ASTN1: variants seen among roughly 807,000 people sequenced by gnomAD.
ASTN1 encodes the protein astrotactin 1, also known as astrotactin-1.
In ASTN1, 41 loss-of-function variants were observed where a neutral mutation model predicts 140.7. The ratio of observed to expected loss-of-function variants is 0.29; its 90% CI spans 0.23 to 0.38. The LOEUF (loss-of-function observed/expected upper bound fraction) is 0.38, where lower values mean the gene tolerates loss of function less well. Ranked by LOEUF, ASTN1 falls within the 10% of genes least tolerant of loss-of-function variation. The probability of loss-of-function intolerance (pLI) is 1.00; values close to 1 mark genes in which losing one functional copy is unlikely to be tolerated. For missense variants in ASTN1, 1,479 were observed against 1,678.8 expected, an observed-to-expected ratio of 0.88 and a Z score of 2.08; for synonymous variants, 640 against 652.2, an observed-to-expected ratio of 0.98 and a Z score of 0.29.
chr1:176,983,263 T>A (rs569594430), intron 8 of ASTN1, among the ~76,000 whole-genome samples: 1 of 151,490 alleles, frequency 6.6e-6, no homozygotes, highest in East Asian at 1.9e-4. Context: ...ATCTAGGGAG[T>A]CATGACAAGC....
chr1:177,010,885 G>A (rs574749732), intron 8 of ASTN1, among the ~76,000 whole-genome samples: 16 of 152,260 alleles, frequency 1.1e-4, no homozygotes, highest in African/African-American at 3.9e-4. Context: ...AAGAGGTTTC[G>A]TGTTTGTTTC....
intron 2 of ASTN1, among the ~76,000 whole-genome samples, chr1:177,046,788 T>C (rs1385509780): frequency 2.0e-5 from 3 of 152,150 alleles, no homozygotes; most frequent in African/African-American, 7.2e-5. Context: ...GGAAGAGATG[T>C]GAGGGTTCAG....
intron 1 of ASTN1, among the ~76,000 whole-genome samples, chr1:177,062,076 G>A (rs568881073): frequency 1.3e-5 from 2 of 152,134 alleles, no homozygotes; most frequent in South Asian, 2.1e-4. Flanking sequence ...AAAATATGCC[G>A]TGTGTATGTT....
chr1:177,100,481 CT>C (rs565136921), intron 1 of ASTN1, among the ~76,000 whole-genome samples: 226 of 152,226 alleles, frequency 1.5e-3, no homozygotes, highest in South Asian at 3.3e-3. Context: ...CCCCAGTCCC[CT>C]GAAGCCAATT....
At chr1:177,155,668 T>C (rs1683205234) in intron 1 of ASTN1, among the ~76,000 whole-genome samples, 1 of 152,102 alleles carries the variant, frequency 6.6e-6, no homozygotes, top group African/African-American at 2.4e-5. Context: ...AGGTTACTCA[T>C]TGTTGGAGTA....
At chr1:177,030,781 G>T in intron 4 of ASTN1, 25 bp downstream of exon 4, 1 of 1,613,324 alleles carries the variant, frequency 6.2e-7, no homozygotes, top group Non-Finnish European at 8.5e-7. Context: ...ATCCACCCAC[G>T]AGCCCTAATG....
At chr1:176,904,555 A>G (rs1669905325) in intron 16 of ASTN1, among the ~76,000 whole-genome samples, 1 of 152,138 alleles carries the variant, frequency 6.6e-6, no homozygotes, top group African/African-American at 2.4e-5. Flanking sequence ...CTCCATTAGC[A>G]GAAAGACAAC....
Position 177,032,745 on chromosome 1 carries a change from A to G in ASTN1, c.576T>C (p.Ser192=), listed in dbSNP as rs1311974101. 4 of 1,613,616 alleles carry G rather than the reference A, an allele frequency of 2.5e-6. No homozygotes were observed. The South Asian group carries it at 3.3e-5, about 13-fold the overall frequency. ...KRRRVPQPQK[S]ASAEAANEIH... The stretch of plus-strand genomic sequence containing the variant: ...TCTCATTGGCTGCCTCAGCACTGGC[A>G]CTCTTCTGGGGCTGCGGGACCCGGC... The change falls in exon 3 of 23, where the codon AGT becomes AGC. Residue 192 remains serine, a synonymous_variant. Coordinates refer to ENST00000361833, the MANE Select transcript of ASTN1 (RefSeq NM_004319.3).
chr1:176,978,390 G>A (rs1033013544), intron 8 of ASTN1, among the ~76,000 whole-genome samples: 3 of 152,184 alleles, frequency 2.0e-5, no homozygotes, highest in Non-Finnish European at 4.4e-5. Flanking sequence ...GGAACCAGTA[G>A]AGAAGCCTTT....
At chr1:176,934,379 C>T (rs1671343479) in intron 15 of ASTN1, 39 bp from the exon 16 acceptor site, 3 of 1,552,406 alleles carry the variant, frequency 1.9e-6, no homozygotes, top group African/African-American at 1.4e-5. Context: ...AATGAGGGCT[C>T]AGATTTTGGG....
At chr1:176,906,438 AAAT>A (rs1388094732) in intron 16 of ASTN1, among the ~76,000 whole-genome samples, 3 of 152,206 alleles carry the variant, frequency 2.0e-5, no homozygotes, top group African/African-American at 7.2e-5. Flanking sequence ...GATAAATAAG[AAAT>A]AATGCTCATT....
In ASTN1 at chr1:177,023,441, G is replaced by A; in HGVS notation, c.1401C>T (p.Leu467=). ...PWAMDLCARR[L]LDPCEHQCDP... Reference sequence around the variant, plus strand: ...CACATTGGTGTTCACAGGGGTCCAGGAGCCGCCGGGCACAGAGGTCCATGG... The same window carrying A: ...CACATTGGTGTTCACAGGGGTCCAGAAGCCGCCGGGCACAGAGGTCCATGG... Residue 467 remains leucine (L), a synonymous_variant, in exon 7 of 23, where the codon CTC becomes CTT. Coordinates refer to ENST00000361833, the MANE Select transcript of ASTN1 (RefSeq NM_004319.3). 6.2e-7 allele frequency: 1 copy of A among 1,603,856 alleles called. No individual in the cohort carries two copies. The highest frequency in any genetic ancestry group is 1.7e-5 in the Admixed American group (1 of 58,404).
intron 9 of ASTN1, among the ~76,000 whole-genome samples, chr1:176,961,541 A>G (rs1314855212): frequency 6.6e-6 from 1 of 152,188 alleles, no homozygotes; most frequent in Non-Finnish European, 1.5e-5. Flanking sequence ...CGATGTATCA[A>G]CTAATTTTTA....
chr1:176,923,777 G>A (rs1670840536), intron 16 of ASTN1, among the ~76,000 whole-genome samples: 1 of 152,084 alleles, frequency 6.6e-6, no homozygotes, highest in South Asian at 2.1e-4. Flanking sequence ...TGCAAATAAA[G>A]GGGACTACTG....
chr1:177,101,351 A>T (rs1680290777), intron 1 of ASTN1, among the ~76,000 whole-genome samples: 1 of 152,236 alleles, frequency 6.6e-6, no homozygotes, highest in African/African-American at 2.4e-5. Context: ...GATTCACACA[A>T]TGAAATGCTA....
At chr1:177,089,597 C>T (rs868052444) in intron 1 of ASTN1, among the ~76,000 whole-genome samples, 3 of 152,210 alleles carry the variant, frequency 2.0e-5, no homozygotes, top group South Asian at 4.2e-4. Context: ...TCCTTTCTCT[C>T]GCACACCCAC....
In ASTN1 at chr1:176,902,334, A is replaced by C. The variant is rs561517514; in HGVS notation, c.2672-7504T>G. Among the ~76,000 whole-genome samples the C allele has an allele frequency of 5.3e-5, 8 of 152,284 alleles. No homozygotes were observed. The East Asian group carries it at 1.3e-3, about 26-fold the overall frequency. ...CCTTTCCCCAGGGAGCCTCCAGGTG[A>C]TGGTTTTATTCATCAATTATGACTA... On this transcript the variant is annotated intron_variant, in intron 16 of 22. Transcript: ENST00000361833.
intron 2 of ASTN1, among the ~76,000 whole-genome samples, chr1:177,056,713 T>C (rs1413011303): frequency 1.3e-5 from 2 of 152,098 alleles, no homozygotes; most frequent in African/African-American, 2.4e-5. Context: ...ATATAGACAA[T>C]ACATTTAAAT....
Position 176,936,350 on chromosome 1 carries a change from C to T in ASTN1, c.2398G>A (p.Val800Met), listed in dbSNP as rs1671446833. The T allele has an allele frequency of 6.2e-7, 1 of 1,612,890 alleles. No homozygotes were observed. The highest frequency in any genetic ancestry group is 1.7e-5 in the Admixed American group (1 of 60,008). Residue 800 changes from valine to methionine, a missense_variant, in exon 15 of 23, where the codon GTG (valine) becomes ATG (methionine). By Grantham distance (21) the Val-to-Met change is conservative (BLOSUM62 1). This residue lies in a region of ASTN1 where 746 missense variants were observed against 800.9 expected (regional missense o/e 0.93). Transcript: ENST00000361833. Reference sequence around the variant, plus strand: ...TGCTGCAGCACAGGGTACCCAGACACTTCACTGAAGTTCACCATCCCTAAG... The same window carrying T: ...TGCTGCAGCACAGGGTACCCAGACATTTCACTGAAGTTCACCATCCCTAAG... The part of the protein sequence containing the change: ...FLTGMVNFSE[V>M]SGYPVLQHWK...
Sources: allele counts gnomAD v4.1 joint callset (sites outside exome capture counted in the v4.1 genomes callset), GRCh38; gene constraint gnomAD v4.1.1; regional missense constraint gnomAD v4.1.1; transcripts MANE v1.5; gene names NCBI Gene and HGNC (gene_info 2026-07-23, HGNC 2026-07-21).